The following TBC1D8 variants were observed in gnomAD, a reference collection of about 807,000 sequenced individuals.
The protein encoded by TBC1D8 is BUB2-like protein 1.
TBC1D8 carries 65 observed loss-of-function variants against 118.8 expected under a neutral mutation model. That is an observed-to-expected ratio of 0.55 (90% CI 0.45 to 0.67). The LOEUF is 0.67. TBC1D8 is among the 30% of genes least tolerant of loss of function. The probability of loss-of-function intolerance (pLI) is 0.00; values close to 1 mark genes in which losing one functional copy is unlikely to be tolerated. For missense variants in TBC1D8, 1,376 were observed against 1,471.2 expected, an observed-to-expected ratio of 0.94 and a Z score of 1.06; for synonymous variants, 566 against 595.8, an observed-to-expected ratio of 0.95 and a Z score of 0.73.
At chr2:101,132,354 C>T (rs541989014) in intron 1 of TBC1D8, among the ~76,000 whole-genome samples, 26 of 152,302 alleles carry the variant, frequency 1.7e-4, no homozygotes, top group African/African-American at 5.1e-4. Flanking sequence ...GAATTTTACA[C>T]GTGTATATCT....
intron 4 of TBC1D8, among the ~76,000 whole-genome samples, chr2:101,051,149 A>G (rs1682047219): frequency 6.6e-6 from 1 of 152,138 alleles, no homozygotes; most frequent in Non-Finnish European, 1.5e-5. Flanking sequence ...TTCTTTATCC[A>G]GTCTACCAAT....
chr2:101,056,218 T>G (rs1167458660), intron 3 of TBC1D8, among the ~76,000 whole-genome samples: 1 of 53,700 alleles, frequency 1.9e-5, no homozygotes, highest in Non-Finnish European at 5.6e-5. Context: ...TTTTTTTTTT[T>G]TTTTTGAGAC....
In TBC1D8 at chr2:101,029,749, T is replaced by C; in HGVS notation, c.1964A>G (p.Glu655Gly). The change falls in exon 12 of 20, where the codon GAG becomes GGG. Residue 655 changes from glutamate (E) to glycine (G), a missense_variant. Transcript: ENST00000409318. ...IGAQVDQSVF[E>G]ELIKGHLPEL... Reference sequence around the variant, plus strand: ...TGGGAGATGACCCTTGATGAGCTCCTCGAAGACAGACTGGTCAACTTGTGC... The same window carrying C: ...TGGGAGATGACCCTTGATGAGCTCCCCGAAGACAGACTGGTCAACTTGTGC... 1 of 1,613,774 alleles carries C rather than the reference T, an allele frequency of 6.2e-7. No individual in the cohort carries two copies. The highest frequency in any genetic ancestry group is 8.5e-7 in the Non-Finnish European group (1 of 1,179,704).
At chr2:101,076,870 G>A (rs4851398) in intron 2 of TBC1D8, among the ~76,000 whole-genome samples, 58,501 of 151,998 alleles carry the variant, frequency 0.38, 13,252 homozygotes, top group South Asian at 0.54. Context: ...TTGCTATAAA[G>A]AAATACCCGA....
chr2:101,143,754 A>G, intron 1 of TBC1D8, among the ~76,000 whole-genome samples: 1 of 152,004 alleles, frequency 6.6e-6, no homozygotes, highest in East Asian at 1.9e-4. Flanking sequence ...TAGAGTCAGG[A>G]TTTTGCTATG....
intron 15 of TBC1D8, among the ~76,000 whole-genome samples, chr2:101,023,133 T>G (rs1680143471): frequency 7.7e-6 from 1 of 130,056 alleles, no homozygotes; most frequent in Non-Finnish European, 1.6e-5. Context: ...CAACAGAGCG[T>G]TTTTTTTGTT....
intron 2 of TBC1D8, among the ~76,000 whole-genome samples, chr2:101,062,226 C>A (rs1190967860): frequency 6.6e-6 from 1 of 152,102 alleles, no homozygotes; most frequent in Non-Finnish European, 1.5e-5. Flanking sequence ...TCTGCTTTTC[C>A]TGGGTACTTT....
At chr2:101,099,066 AT>A (rs1471445306) in intron 1 of TBC1D8, among the ~76,000 whole-genome samples, 24 of 151,210 alleles carry the variant, frequency 1.6e-4, no homozygotes, top group African/African-American at 5.6e-4. Context: ...AAAAAAAAAA[AT>A]CTATGAATCC....
chr2:101,054,672 C>CTTT lies in TBC1D8; in HGVS notation c.403-339_403-337dup, dbSNP rs34465252. Among the ~76,000 whole-genome samples, 19 of 25,430 alleles carry CTTT rather than the reference C, an allele frequency of 7.5e-4. No homozygotes were observed. The East Asian group carries it at 7.7e-3, about 10-fold the overall frequency. The allele number at this position is 25,430 out of a possible 152,430, so 16.7% of individuals were successfully genotyped here. A position where few individuals can be genotyped will look rare whatever the true frequency, so the allele number is the denominator to read the frequency against. On this transcript the variant is annotated intron_variant, in intron 3 of 19. Coordinates refer to ENST00000409318, the MANE Select transcript of TBC1D8 (RefSeq NM_001330348.2). ...ACAAACAATCATTTTCTTTTCTTTT[C>CTTT]TTTTTTTTTTTTTTTTTTTTTTTTT...
At chr2:101,045,054 A>G (rs1681612361) in intron 5 of TBC1D8, among the ~76,000 whole-genome samples, 2 of 152,066 alleles carry the variant, frequency 1.3e-5, no homozygotes, top group East Asian at 1.9e-4. Context: ...ATCTTAACAC[A>G]TGCCATTGAT....
At position 101,032,186 on chromosome 2, in the gene TBC1D8, A is replaced by T; in HGVS notation, c.1936+82T>A. ...GCTGAGTGGCACTGAGAGATTTTAT[A>T]AACAGGACTGATGAGAAACATCCTG... is the stretch of plus-strand genomic sequence containing the variant. On this transcript the variant is annotated intron_variant, in intron 11 of 19. Transcript: ENST00000409318. The T allele has an allele frequency of 2.3e-6, 3 of 1,317,232 alleles. No homozygotes were observed. The South Asian group carries it at 3.9e-5, about 17-fold the overall frequency. 81.6% of individuals were successfully genotyped at this position (1,317,232 alleles called of 1,614,324 possible).
chr2:101,028,540 C>T (rs1680486998), intron 12 of TBC1D8, 108 bp from the exon 13 acceptor site: 3 of 1,432,866 alleles, frequency 2.1e-6, no homozygotes, highest in African/African-American at 2.8e-5. Flanking sequence ...ACACCAACAC[C>T]TGGGAGGAGG....
At chr2:101,010,899 T>C (rs1276126824) in intron 19 of TBC1D8, 30 bp downstream of exon 19, 7 of 1,519,286 alleles carry the variant, frequency 4.6e-6, no homozygotes, top group Non-Finnish European at 6.3e-6. Context: ...AAAAAAAAAG[T>C]TAATTCTCTG....
Position 101,022,288 on chromosome 2 carries a change from G to A in TBC1D8, c.2754C>T (p.Ser918=). 6.2e-7 allele frequency: 1 copy of A among 1,613,506 alleles called. No homozygotes were observed. The highest frequency in any genetic ancestry group is 8.5e-7 in the Non-Finnish European group (1 of 1,179,698). ...AATCCCACAGAGGCATACCGAGGCAGCTCACAAACGCTTTGAACTCGATGA... is the reference window on the plus strand; with the variant it reads ...AATCCCACAGAGGCATACCGAGGCAACTCACAAACGCTTTGAACTCGATGA... ...DQLIEFKAFV[S]CLDIMYNGEM... Residue 918 remains serine (S), a synonymous_variant, in exon 16 of 20, where the codon AGC becomes AGT. Transcript: ENST00000409318.
chr2:101,147,446 C>T (rs1048338839), intron 1 of TBC1D8, among the ~76,000 whole-genome samples: 6 of 152,130 alleles, frequency 3.9e-5, no homozygotes, highest in Non-Finnish European at 5.9e-5. Flanking sequence ...GTGAGTGTTC[C>T]CTTTTCTGCA....
At chr2:101,069,324 C>T (rs113787947) in intron 2 of TBC1D8, among the ~76,000 whole-genome samples, 17,665 of 151,170 alleles carry the variant, frequency 0.12, 1,222 homozygotes, top group Non-Finnish European at 0.16. Context: ...CAGTGGCTTA[C>T]GCCTGTAATC....
chr2:101,072,932 A>T (rs554052627), intron 2 of TBC1D8, among the ~76,000 whole-genome samples: 3 of 152,302 alleles, frequency 2.0e-5, no homozygotes, highest in Admixed American at 2.0e-4. Context: ...ACATTTCAAT[A>T]TGAGATTCGA....
intron 5 of TBC1D8, among the ~76,000 whole-genome samples, chr2:101,041,968 T>C (rs1385536784): frequency 6.6e-6 from 1 of 151,588 alleles, no homozygotes. Flanking sequence ...GAGGTTGCAG[T>C]GAGTCGAGAT....
In TBC1D8 at chr2:101,007,683, C is replaced by A. The variant is rs1678830117; in HGVS notation, c.*138G>T. On this transcript the variant is annotated 3_prime_UTR_variant, in exon 20 of 20. Coordinates refer to ENST00000409318, the MANE Select transcript of TBC1D8 (RefSeq NM_001330348.2). ...TGAGGGTTGTGTCGGTTCCCCTGGC[C>A]ACAGTTTGTCAGGTTGTTTAGCCAG... is the stretch of plus-strand genomic sequence containing the variant. The A allele has an allele frequency of 4.6e-6, 4 of 870,664 alleles. No individual in the cohort carries two copies. Among genetic ancestry groups the A allele is most frequent in the Non-Finnish European group, 7.1e-6 (4 of 560,114 alleles). 53.9% of individuals were successfully genotyped at this position (870,664 alleles called of 1,614,324 possible). A position where few individuals can be genotyped will look rare whatever the true frequency, so the allele number is the denominator to read the frequency against.
Sources: gnomAD v4.1 joint callset for allele counts (sites outside exome capture counted in the v4.1 genomes callset) on GRCh38, gnomAD v4.1.1 for gene constraint, MANE v1.5 for transcripts, NCBI Gene and HGNC (gene_info 2026-07-23, HGNC 2026-07-21) for gene names.